Variants in UBE4A observed in about 807,000 individuals in gnomAD.
UBE4A encodes the protein ubiquitination factor E4A.
Under a neutral mutation model 117.9 loss-of-function variants are expected in UBE4A, and 48 were observed. The observed-to-expected ratio is 0.41, with a 90% CI of 0.32 to 0.52. The LOEUF (loss-of-function observed/expected upper bound fraction) is 0.52, where lower values mean the gene tolerates loss of function less well. Among genes scored for constraint, UBE4A ranks in the 20% least tolerant of loss-of-function variants. The probability of loss-of-function intolerance (pLI) is 0.33; values close to 1 mark genes in which losing one functional copy is unlikely to be tolerated. For synonymous variants in UBE4A, 407 were observed against 450.0 expected (o/e 0.90, Z 1.21); for missense variants, 1,067 against 1,296.3 (o/e 0.82, Z 2.72).
intron 12 of UBE4A, 122 bp downstream of exon 12, chr11:118,381,645 T>G: frequency 7.5e-7 from 1 of 1,329,742 alleles, no homozygotes; most frequent in East Asian, 2.3e-5. Flanking sequence ...ATGGTAACAT[T>G]AAGGAATCAC....
intron 4 of UBE4A, 77 bp downstream of exon 4, chr11:118,369,612 A>C (rs546134584): frequency 1.8e-6 from 2 of 1,095,244 alleles, no homozygotes; most frequent in Admixed American, 3.9e-5. Context: ...CTGTTCTCCA[A>C]CTTATGCTTG....
chr11:118,369,401 T>G, intron 3 of UBE4A, 22 bp from the exon 4 acceptor site: 2 of 1,568,140 alleles, frequency 1.3e-6, no homozygotes, highest in Non-Finnish European at 1.8e-6. Context: ...CCTTAACCTA[T>G]CATATTAAAA....
intron 16 of UBE4A, among the ~76,000 whole-genome samples, chr11:118,387,419 AT>A (rs1948769565): frequency 6.6e-6 from 1 of 152,226 alleles, no homozygotes; most frequent in Non-Finnish European, 1.5e-5. Flanking sequence ...GTTAGAAGAT[AT>A]AAATTCAAGG....
chr11:118,368,140 G>C (rs1334706729), intron 2 of UBE4A, among the ~76,000 whole-genome samples: 1 of 152,106 alleles, frequency 6.6e-6, no homozygotes, highest in East Asian at 1.9e-4. Context: ...AAATTAAAAA[G>C]ATAGTAATGA....
Position 118,379,434 on chromosome 11 carries a change from T to C in UBE4A, c.1572-12T>C, listed in dbSNP as rs1555125897. The C allele has an allele frequency of 6.2e-7, 1 of 1,608,922 alleles. No individual in the cohort carries two copies. The highest frequency in any genetic ancestry group is 1.7e-5 in the Admixed American group (1 of 59,932). The stretch of plus-strand genomic sequence containing the variant: ...TTCCCTGACCCAGTCTCTTCTGCTT[T>C]CTTGGGGGCAGGTTGCATGATCAGA... On this transcript the variant is annotated splice_polypyrimidine_tract_variant and intron_variant, in intron 10 of 19. Transcript: ENST00000252108.
rs1555125188 is a variant in UBE4A, at chr11:118,375,197, A to G, written c.1418A>G (p.Glu473Gly). Residue 473 changes from glutamate to glycine, a missense_variant, in exon 9 of 20, where the codon GAA becomes GGA. Coordinates refer to ENST00000252108, the MANE Select transcript of UBE4A (RefSeq NM_001204077.2). ...TYCALKELND[E>G]ERKIKNVHMR... ...TGTGCCCTCAAGGAGTTGAATGATG[A>G]AGAACGAAAAATTAAAAATGTACAC... 1.9e-6 allele frequency: 3 copies of G among 1,609,794 alleles called. No individual in the cohort carries two copies. Among genetic ancestry groups the G allele is most frequent in the Non-Finnish European group, 1.7e-6 (2 of 1,177,092 alleles).
Position 118,389,649 on chromosome 11 carries a change from C to G in UBE4A, c.2588-76C>G, listed in dbSNP as rs1361349134. ...TAAAATAACAGTAGTTCCCAGAGGT[C>G]TCCAAATAAACTATACCTAATAAGG... On this transcript the variant is annotated intron_variant, in intron 16 of 19. Coordinates refer to ENST00000252108, the MANE Select transcript of UBE4A (RefSeq NM_001204077.2). The G allele has an allele frequency of 3.0e-6, 4 of 1,322,262 alleles. No individual in the cohort carries two copies. In the East Asian group the frequency reaches 1.0e-4, roughly 34 times the overall value. The allele number at this position is 1,322,262 out of a possible 1,614,324, so 81.9% of individuals were successfully genotyped here. A position where few individuals can be genotyped will look rare whatever the true frequency, so the allele number is the denominator to read the frequency against.
chr11:118,375,270 G>T, intron 9 of UBE4A, 41 bp downstream of exon 9: 1 of 1,503,632 alleles, frequency 6.7e-7, no homozygotes, highest in Non-Finnish European at 9.0e-7. Context: ...GTGTGTGTGT[G>T]TGTGTAACGT....
intron 9 of UBE4A, 66 bp downstream of exon 9, chr11:118,375,295 C>A: frequency 1.5e-6 from 2 of 1,359,390 alleles, no homozygotes; most frequent in Non-Finnish European, 9.8e-7. Context: ...AGCATTCACT[C>A]CCTTATCCTT....
chr11:118,381,301 C>A, intron 11 of UBE4A, 90 bp from the exon 12 acceptor site: 1 of 1,484,522 alleles, frequency 6.7e-7, no homozygotes, highest in South Asian at 1.3e-5. Flanking sequence ...TTTTAACCTT[C>A]ATTAAGTAGG....
At chr11:118,370,946 T>G (rs991856818) in intron 4 of UBE4A, among the ~76,000 whole-genome samples, 3 of 152,142 alleles carry the variant, frequency 2.0e-5, no homozygotes, top group African/African-American at 7.2e-5. Flanking sequence ...TCAGGAGGGA[T>G]CCGCCTCCAT....
At chr11:118,383,346 C>T (rs1301668456) in intron 13 of UBE4A, among the ~76,000 whole-genome samples, 4 of 151,976 alleles carry the variant, frequency 2.6e-5, no homozygotes, top group African/African-American at 4.8e-5. Flanking sequence ...GTAATCCCAG[C>T]GTTTTGGGAG....
At chr11:118,366,439 C>T (rs1037234133) in intron 2 of UBE4A, among the ~76,000 whole-genome samples, 16 of 152,206 alleles carry the variant, frequency 1.1e-4, no homozygotes, top group Middle Eastern at 3.2e-3. Flanking sequence ...AGCAACAGAA[C>T]GCTTGTCCTT....
At chr11:118,390,479 TA>T (rs1555128148) in intron 17 of UBE4A, among the ~76,000 whole-genome samples, 177 bp from the exon 18 acceptor site, 3 of 145,528 alleles carry the variant, frequency 2.1e-5, no homozygotes, top group East Asian at 2.0e-4. Flanking sequence ...TTATAAATAA[TA>T]AATAATAAAA....
Position 118,384,844 on chromosome 11 carries a change from T to A in UBE4A, c.2311T>A (p.Tyr771Asn). Residue 771 changes from tyrosine (Y) to asparagine (N), a missense_variant, in exon 15 of 20, where the codon TAT becomes AAT. Coordinates refer to ENST00000252108, the MANE Select transcript of UBE4A (RefSeq NM_001204077.2). ...YRESIKDLADYASKNLEAMNP... is the reference protein window; with the variant it reads ...YRESIKDLADNASKNLEAMNP... ...CTGGGACTTACAGGATTTGGCTGAC[T>A]ATGCCTCTAAGAATTTAGAAGCCAT... The A allele has an allele frequency of 6.2e-7, 1 of 1,613,542 alleles. No homozygotes were observed. The highest frequency in any genetic ancestry group is 8.5e-7 in the Non-Finnish European group (1 of 1,179,904).
chr11:118,359,902 C>G (rs1420511903), intron 1 of UBE4A, among the ~76,000 whole-genome samples: 1 of 152,174 alleles, frequency 6.6e-6, no homozygotes, highest in East Asian at 1.9e-4. Context: ...CTGTCCCCAT[C>G]TTTGCCAAGC....
intron 15 of UBE4A, among the ~76,000 whole-genome samples, chr11:118,385,933 T>C (rs1948753154): frequency 6.6e-6 from 1 of 152,226 alleles, no homozygotes; most frequent in Non-Finnish European, 1.5e-5. Flanking sequence ...ACTGTAAGTT[T>C]AACAAGTTGT....
chr11:118,361,380 G>A (rs922572868), intron 1 of UBE4A, among the ~76,000 whole-genome samples: 2 of 152,102 alleles, frequency 1.3e-5, no homozygotes, highest in African/African-American at 4.8e-5. Flanking sequence ...AAATATTTAG[G>A]TTTCATTTTA....
rs1948704323 is a variant in UBE4A at position 118,381,414 on chromosome 11, G to A, written c.1900G>A (p.Asp634Asn). The A allele has an allele frequency of 6.2e-7, 1 of 1,613,880 alleles. No homozygotes were observed. The highest frequency in any genetic ancestry group is 1.7e-5 in the Admixed American group (1 of 59,990). Reference protein sequence around the residue: ...VPEFFADNLGDFLIFLRRFAD... With the variant: ...VPEFFADNLGNFLIFLRRFAD... ...AGAATTTTTTGCAGATAACCTGGGT[G>A]ATTTTCTCATTTTTCTCCGCCGCTT... The change falls in exon 12 of 20, where the codon GAT (aspartate) becomes AAT (asparagine). Residue 634 changes from aspartate (D) to asparagine (N), a missense_variant. Asp to Asn is a conservative substitution (Grantham distance 23, BLOSUM62 1). Around this residue, in one of 3 missense-constraint regions of UBE4A, gnomAD observed 1,001 missense variants for 1,184.0 expected, o/e 0.85. Transcript: ENST00000252108.
Sources: allele counts gnomAD v4.1 joint callset (sites outside exome capture counted in the v4.1 genomes callset), GRCh38; gene constraint gnomAD v4.1.1; regional missense constraint gnomAD v4.1.1; transcripts MANE v1.5; gene names NCBI Gene and HGNC (gene_info 2026-07-23, HGNC 2026-07-21).